Variants in TMEM165 observed in about 807,000 individuals in gnomAD.
TMEM165 encodes the protein putative divalent cation/proton antiporter TMEM165.
Under a neutral mutation model 30.0 loss-of-function variants are expected in TMEM165, and 19 were observed. That is an observed-to-expected ratio of 0.63 (90% CI 0.44 to 0.93). The LOEUF (loss-of-function observed/expected upper bound fraction) is 0.93, where lower values mean the gene tolerates loss of function less well. TMEM165 is among the 40% of genes least tolerant of loss of function. The pLI is 0.00. For missense variants in TMEM165, 340 were observed against 417.0 expected, an observed-to-expected ratio of 0.82 and a Z score of 1.61; for synonymous variants, 168 against 162.9, an observed-to-expected ratio of 1.03 and a Z score of -0.24.
chr4:55,396,485 C>T (rs991356865), intron 1 of TMEM165, 89 bp downstream of exon 1: 5 of 1,176,394 alleles, frequency 4.3e-6, no homozygotes, highest in African/African-American at 3.3e-5. Context: ...CGCACTCCGC[C>T]GGCCTCGGCT....
At chr4:55,452,921 A>C (rs4864996) in exon 4 of TMEM165, 224,822 of 657,306 alleles carry the variant, frequency 0.34, 41,606 homozygotes, top group East Asian at 0.61. Context: ...ATAAGTAGTA[A>C]AGTATAATCA....
At chr4:55,438,343 A>AGCTGCTGCTCCTGGGAGCTCTGCTGCT in intron 3 of TMEM165, 1 of 1,614,026 alleles carries the variant, frequency 6.2e-7, no homozygotes, top group Non-Finnish European at 8.5e-7. Flanking sequence ...AACTGAAGTG[A>AGCTGCTGCTCCTGGGAGCTCTGCTGCT]GCTGCTGCTC....
chr4:55,453,312 A>T, exon 4 of TMEM165: 3 of 589,656 alleles, frequency 5.1e-6, no homozygotes, highest in South Asian at 4.8e-5. Context: ...TAGGTATCTT[A>T]AAGTTTCATA....
chr4:55,402,609 A>C (rs1339043616), intron 1 of TMEM165, among the ~76,000 whole-genome samples: 19 of 142,666 alleles, frequency 1.3e-4, no homozygotes, highest in African/African-American at 4.7e-4. Flanking sequence ...CACCACGCCC[A>C]GCTGATTTTT....
intron 3 of TMEM165, chr4:55,435,333 C>A: frequency 6.5e-7 from 1 of 1,528,328 alleles, no homozygotes; most frequent in Non-Finnish European, 9.1e-7. Flanking sequence ...CTGGAACTTT[C>A]CCTCCTTTCC....
At chr4:55,421,439 C>T (rs1721971980) in intron 4 of TMEM165, among the ~76,000 whole-genome samples, 2 of 151,514 alleles carry the variant, frequency 1.3e-5, no homozygotes, top group South Asian at 2.1e-4. Flanking sequence ...TCTGGGACTA[C>T]AGGTTCCCAC....
rs141690432 is a variant in TMEM165, at chr4:55,421,593, T to A, written c.793-2945T>A. On this transcript the variant is annotated intron_variant, in intron 4 of 5. Transcript: ENST00000381334. ...GATTACGCCCGGCCTAAATATTACT[T>A]TCAAATAGAACCATCTTCATGGGTA... Among the ~76,000 whole-genome samples the A allele has an allele frequency of 6.8e-3, 1,032 of 152,240 alleles. 6 individuals are homozygous for A. The highest frequency in any genetic ancestry group is 0.012 in the Non-Finnish European group (815 of 68,006).
At chr4:55,421,297 C>CTTTTTTTTT (rs766025971) in intron 4 of TMEM165, among the ~76,000 whole-genome samples, 76 of 105,892 alleles carry the variant, frequency 7.2e-4, no homozygotes, top group Non-Finnish European at 1.2e-3. Context: ...TTCTTTCTTT[C>CTTTTTTTTT]TTTTTTTTTT....
downstream of TMEM165, among the ~76,000 whole-genome samples, chr4:55,427,589 C>A (rs1722279459): frequency 6.6e-6 from 1 of 152,168 alleles, no homozygotes; most frequent in Non-Finnish European, 1.5e-5. Flanking sequence ...AGGTGATCCA[C>A]CCACCTCAGC....
At chr4:55,438,488 C>G in intron 3 of TMEM165, 3 of 1,613,736 alleles carry the variant, frequency 1.9e-6, no homozygotes, top group Non-Finnish European at 2.5e-6. Context: ...GCCCCACAAG[C>G]TACAGGAGCA....
At chr4:55,427,679 C>A (rs1365552423), downstream of TMEM165, among the ~76,000 whole-genome samples, 1 of 152,132 alleles carries the variant, frequency 6.6e-6, no homozygotes, top group African/African-American at 2.4e-5. Context: ...GACAATTCCT[C>A]GTAGGGAGTA....
chr4:55,404,253 G>A (rs77583832), intron 1 of TMEM165, among the ~76,000 whole-genome samples: 5,085 of 151,436 alleles, frequency 0.034, 102 homozygotes, highest in Non-Finnish European at 0.054. Context: ...CCTGACCTCA[G>A]ATCTGTCCAC....
intron 3 of TMEM165, among the ~76,000 whole-genome samples, chr4:55,443,219 T>C (rs928823817): frequency 1.3e-5 from 2 of 152,118 alleles, no homozygotes; most frequent in South Asian, 4.1e-4. Context: ...CTCACACCTG[T>C]AATCCCAGCA....
chr4:55,417,685 A>G, intron 3 of TMEM165, 118 bp from the exon 4 acceptor site: 1 of 824,646 alleles, frequency 1.2e-6, no homozygotes, highest in South Asian at 1.9e-5. Flanking sequence ...GGTCACATAA[A>G]TGTAGTTTTT....
intron 1 of TMEM165, among the ~76,000 whole-genome samples, chr4:55,407,898 G>A (rs558212315): frequency 6.6e-6 from 1 of 152,274 alleles, no homozygotes; most frequent in East Asian, 1.9e-4. Flanking sequence ...TTGAGACATA[G>A]GTAGCCCTTA....
intron 3 of TMEM165, among the ~76,000 whole-genome samples, chr4:55,447,540 C>T (rs1248124580): frequency 6.6e-6 from 1 of 151,958 alleles, no homozygotes; most frequent in Non-Finnish European, 1.5e-5. Flanking sequence ...GAAGTAAAAC[C>T]ACAGACCTAA....
chr4:55,429,074 TTATTTTAAC>T (rs1722359221), downstream of TMEM165: 1 of 151,778 alleles, frequency 6.6e-6, no homozygotes, highest in South Asian at 2.1e-4. Context: ...AGGTAACAAC[TTATTTTAAC>T]TTAACTACTG....
intron 1 of TMEM165, among the ~76,000 whole-genome samples, chr4:55,406,236 C>T (rs191807031): frequency 6.6e-6 from 1 of 152,208 alleles, no homozygotes; most frequent in Non-Finnish European, 1.5e-5. Context: ...AATTGATCCT[C>T]CATAGCTGGC....
In TMEM165 at chr4:55,443,769, A is replaced by C. The variant is rs898273156; in HGVS notation, c.409-8470A>C. On this transcript the variant is annotated intron_variant, in intron 3 of 3. Coordinates refer to the TMEM165 transcript ENST00000608091. ...GTGTCCAGTATTCATTCCACTTTGA[A>C]TCTGGTTAGTAGGAACAACTTGGCC... 1 of 1,614,060 alleles carries C rather than the reference A, an allele frequency of 6.2e-7. No individual in the cohort carries two copies. The highest frequency in any genetic ancestry group is 1.7e-5 in the Admixed American group (1 of 60,016).
Sources: gnomAD v4.1 joint callset for allele counts (sites outside exome capture counted in the v4.1 genomes callset) on GRCh38, gnomAD v4.1.1 for gene constraint, MANE v1.5 for transcripts, NCBI Gene and HGNC (gene_info 2026-07-23, HGNC 2026-07-21) for gene names.